MMEL1: variants seen among roughly 807,000 people sequenced by gnomAD.
MMEL1 encodes the protein membrane metalloendopeptidase like 1, also known as membrane metallo-endopeptidase-like 1.
A neutral mutation model predicts 117.1 loss-of-function variants in MMEL1; 98 were observed. That is an observed-to-expected ratio of 0.84 (90% CI 0.71 to 0.99). The LOEUF (loss-of-function observed/expected upper bound fraction) is 0.99. Among genes scored for constraint, MMEL1 ranks in the 50% least tolerant of loss-of-function variants. The pLI is 0.00. For synonymous variants in MMEL1, 390 were observed against 415.1 expected (o/e 0.94, Z 0.74); for missense variants, 1,014 against 1,049.1 (o/e 0.97, Z 0.46).
At chr1:2,629,140 G>A (rs1638414317) in intron 2 of MMEL1, among the ~76,000 whole-genome samples, 191 bp downstream of exon 2, 1 of 152,140 alleles carries the variant, frequency 6.6e-6, no homozygotes, top group South Asian at 2.1e-4. Context: ...CTCCCTGCAG[G>A]TCAGTGCCCC....
At chr1:2,605,369 G>A (rs531224014) in intron 9 of MMEL1, among the ~76,000 whole-genome samples, 189 bp downstream of exon 9, 1 of 152,204 alleles carries the variant, frequency 6.6e-6, no homozygotes, top group African/African-American at 2.4e-5. Context: ...TTGAGGGAAC[G>A]TCCCCCAGGA....
intron 14 of MMEL1, 99 bp from the exon 15 acceptor site, chr1:2,596,206 C>T (rs1033140180): frequency 5.9e-6 from 7 of 1,177,274 alleles, no homozygotes; most frequent in Admixed American, 5.5e-5. Context: ...CCCGCCGGGG[C>T]AAGGCCCAGG....
At chr1:2,591,503 G>T in intron 23 of MMEL1, 54 bp downstream of exon 23, 4 of 1,416,902 alleles carry the variant, frequency 2.8e-6, no homozygotes, top group Non-Finnish European at 4.0e-6. Context: ...GGCCACTGGG[G>T]TGGGGGTGAG....
At chr1:2,630,826 GATT>G (rs1282417031) in intron 1 of MMEL1, among the ~76,000 whole-genome samples, 1 of 149,880 alleles carries the variant, frequency 6.7e-6, no homozygotes, top group East Asian at 2.0e-4. Context: ...GCGTGTGCAT[GATT>G]ATGTGCGTGG....
rs761350232 is a variant in MMEL1, at chr1:2,606,315, T to C, written c.683A>G (p.Asn228Ser). 2 of 1,612,864 alleles carry C rather than the reference T, an allele frequency of 1.2e-6. No homozygotes were observed. Among genetic ancestry groups the C allele is most frequent in the South Asian group, 1.1e-5 (1 of 91,092 alleles). The change falls in exon 8 of 24, where the codon AAC becomes AGC. Residue 228 changes from asparagine (N) to serine (S), a missense_variant. Physicochemically the swap from Asn to Ser is conservative, Grantham distance 46. Transcript: ENST00000378412. Reference protein sequence around the residue: ...RQLALMNSQFNRRVLIDLFIW... With the variant: ...RQLALMNSQFSRRVLIDLFIW... ...GAAGAGGTCGATGAGGACGCGCCTG[T>C]TGAACTGTGAGTTCATCAGCGCCAG... is the stretch of plus-strand genomic sequence containing the variant.
intron 2 of MMEL1, among the ~76,000 whole-genome samples, chr1:2,614,586 C>CATAT (rs1288363473): frequency 6.6e-6 from 1 of 152,042 alleles, no homozygotes; most frequent in East Asian, 1.9e-4. Context: ...CAGATGGTTG[C>CATAT]ATATATAAAT....
At chr1:2,601,943 T>C (rs1019608387) in intron 11 of MMEL1, among the ~76,000 whole-genome samples, 4 of 151,818 alleles carry the variant, frequency 2.6e-5, no homozygotes, top group African/African-American at 4.9e-5. Context: ...CGCACATCCC[T>C]GGATAATTCT....
intron 1 of MMEL1, 44 bp from the exon 2 acceptor site, chr1:2,629,565 CCCCGAGCCCGG>C: frequency 7.4e-7 from 1 of 1,351,332 alleles, no homozygotes; most frequent in Non-Finnish European, 9.6e-7. Context: ...GCGTGGAGCT[CCCCGAGCCCGG>C]CCCGAGGCTG....
intron 6 of MMEL1, among the ~76,000 whole-genome samples, chr1:2,608,365 C>T (rs1363349203): frequency 6.6e-6 from 1 of 152,106 alleles, no homozygotes; most frequent in Non-Finnish European, 1.5e-5. Context: ...GCCGGGGGTG[C>T]TCCAAGCACG....
rs1644984621 is a variant in MMEL1 at position 2,604,255 on chromosome 1, C to T, written c.843G>A (p.Met281Ile). ...RKVREAYLQF[M>I]VSVATLLRED... Reference sequence around the variant, plus strand: ...CCCGCAGCAACGTGGCCACTGACACCATGAACTGCAGGTAGGCTTCCCGCA... The same window carrying T: ...CCCGCAGCAACGTGGCCACTGACACTATGAACTGCAGGTAGGCTTCCCGCA... Residue 281 changes from methionine to isoleucine, a missense_variant, in exon 10 of 24, where the codon ATG becomes ATA. By Grantham distance (10) the Met-to-Ile change is conservative (BLOSUM62 1). Coordinates refer to ENST00000378412, the MANE Select transcript of MMEL1 (RefSeq NM_033467.4). 6.2e-7 allele frequency: 1 copy of T among 1,612,746 alleles called. No individual in the cohort carries two copies. Among genetic ancestry groups the T allele is most frequent in the Admixed American group, 1.7e-5 (1 of 60,002 alleles).
intron 8 of MMEL1, 143 bp downstream of exon 8, chr1:2,606,105 G>T: frequency 3.0e-6 from 2 of 668,256 alleles, no homozygotes; most frequent in Admixed American, 2.5e-5. Context: ...CCGGGCCCAC[G>T]GACGTGGACA....
Position 2,594,387 on chromosome 1 carries a change from A to G in MMEL1, c.1745T>C (p.Ile582Thr), listed in dbSNP as rs1644796736. Residue 582 changes from isoleucine to threonine, a missense_variant and splice_region_variant, in exon 18 of 24, where the codon ATT becomes ACT. Ile to Thr is a moderately conservative substitution (Grantham distance 89, BLOSUM62 -1). Transcript: ENST00000378412. ...NAFYSPNRNQIVFPAGILQPP... is the reference protein window; with the variant it reads ...NAFYSPNRNQTVFPAGILQPP... ...GGCAGGGAGGGGGAGGAACTTACCA[A>G]TCTGGTTTCGGTTTGGGGAGTAGAA... The G allele has an allele frequency of 6.4e-7, 1 of 1,551,754 alleles. No individual in the cohort carries two copies.
At chr1:2,621,515 G>A (rs544731686) in intron 2 of MMEL1, among the ~76,000 whole-genome samples, 1 of 151,938 alleles carries the variant, frequency 6.6e-6, no homozygotes, top group South Asian at 2.1e-4. Context: ...GAATCTACCT[G>A]TGATGTGGAA....
intron 1 of MMEL1, 35 bp from the exon 2 acceptor site, chr1:2,629,556 C>A (rs1433583857): frequency 1.5e-6 from 2 of 1,343,940 alleles, no homozygotes; most frequent in African/African-American, 1.5e-5. Context: ...GGGAGAGGGG[C>A]GTGGAGCTCC....
In MMEL1 at chr1:2,594,433, C is replaced by A. The variant is rs900832468; in HGVS notation, c.1699G>T (p.Gly567Trp). ...TAGAACGCATTGACCACCGCCGCCC[C>A]GATGATCCAGCTGTGATAGACAAGC... ...EKVDPNLWIIGAAVVNAFYSP... is the reference protein window; with the variant it reads ...EKVDPNLWIIWAAVVNAFYSP... The change falls in exon 18 of 24, where the codon GGG (glycine) becomes TGG (tryptophan). Residue 567 changes from glycine (G) to tryptophan (W), a missense_variant. Physicochemically the swap from Gly to Trp is radical, Grantham distance 184 (BLOSUM62 -2). Coordinates refer to ENST00000378412, the MANE Select transcript of MMEL1 (RefSeq NM_033467.4). 1.2e-5 allele frequency: 18 copies of A among 1,551,506 alleles called. No individual in the cohort carries two copies. Among genetic ancestry groups the A allele is most frequent in the Non-Finnish European group, 1.6e-5 (18 of 1,146,956 alleles).
chr1:2,622,680 T>C (rs1027783087), intron 2 of MMEL1, among the ~76,000 whole-genome samples: 1 of 148,426 alleles, frequency 6.7e-6, no homozygotes, highest in Non-Finnish European at 1.5e-5. Context: ...AGGTCAGGAG[T>C]TTGAGAGCAG....
chr1:2,629,422 G>C lies in MMEL1; in HGVS notation c.63C>G (p.Arg21=), dbSNP rs1218192206. The C allele has an allele frequency of 3.2e-6, 5 of 1,545,546 alleles. No homozygotes were observed. Among genetic ancestry groups the C allele is most frequent in the Non-Finnish European group, 3.5e-6 (4 of 1,146,100 alleles). The change falls in exon 2 of 24, where the codon CGC becomes CGG. Residue 21 remains arginine, a synonymous_variant. Coordinates refer to ENST00000378412, the MANE Select transcript of MMEL1 (RefSeq NM_033467.4). ...VESAGRAGQK[R]PGFLEGGLLL... is the part of the protein sequence containing the mutation. ...GCAGCCCCCCCTCCAGGAACCCCGG[G>C]CGCTTCTGCCCTGCACGGCCGGCGC...
intron 1 of MMEL1, among the ~76,000 whole-genome samples, chr1:2,630,487 CGT>C (rs1448468340): frequency 1.3e-5 from 2 of 148,258 alleles, no homozygotes; most frequent in South Asian, 2.1e-4. Flanking sequence ...TGTGTGTGCA[CGT>C]GTGTGCGTGT....
chr1:2,620,036 C>T (rs1310628377), intron 2 of MMEL1, among the ~76,000 whole-genome samples: 1 of 152,152 alleles, frequency 6.6e-6, no homozygotes, highest in Non-Finnish European at 1.5e-5. Flanking sequence ...AATTTTCCAA[C>T]ATTAATATAT....
Sources: gnomAD v4.1 joint callset for allele counts (sites outside exome capture counted in the v4.1 genomes callset) on GRCh38, gnomAD v4.1.1 for gene constraint, MANE v1.5 for transcripts, NCBI Gene and HGNC (gene_info 2026-07-23, HGNC 2026-07-21) for gene names.